RASEF: variants seen among roughly 807,000 people sequenced by gnomAD.
The protein encoded by RASEF is RAS and EF-hand domain containing.
In RASEF, 68 loss-of-function variants were observed where a neutral mutation model predicts 90.1. That is an observed-to-expected ratio of 0.75 (90% CI 0.62 to 0.92). The LOEUF (loss-of-function observed/expected upper bound fraction) is 0.92, where lower values mean the gene tolerates loss of function less well. RASEF is among the 40% of genes least tolerant of loss of function. RASEF has a pLI of 0.00. For synonymous variants in RASEF, 331 were observed against 345.2 expected (o/e 0.96, Z 0.46); for missense variants, 949 against 937.2 (o/e 1.01, Z -0.16).
chr9:83,105,108 T>C, the RASEF span, among the ~76,000 whole-genome samples: 1 of 152,194 alleles, frequency 6.6e-6, no homozygotes, highest in South Asian at 2.1e-4. Context: ...TAGGAGTTGC[T>C]ATGTAGCCTA....
Position 83,017,670 on chromosome 9 carries a change from A to T in RASEF, c.670-1770T>A, listed in dbSNP as rs143587753. On this transcript the variant is annotated intron_variant, in intron 3 of 16. Transcript: ENST00000376447. ...ATCAACTCTTCACAAACTTCCAGTA[A>T]ACTGGAATGGAGGGAATACGTCCCA... 4.5e-4 allele frequency among the ~76,000 whole-genome samples: 69 copies of T among 152,350 alleles called. 1 individual carries two copies. Among genetic ancestry groups the T allele is most frequent in the Non-Finnish European group, 8.5e-4 (58 of 68,028 alleles).
rs890045741 is a variant in RASEF, at chr9:83,007,471, G to A, written c.994C>T (p.Arg332Ter). The A allele has an allele frequency of 2.5e-6, 4 of 1,612,728 alleles. No homozygotes were observed. The highest frequency in any genetic ancestry group is 1.3e-5 in the African/African-American group (1 of 74,846). ...LEIIRAYTEDRNSLERQIEIL... is the reference protein window; with the variant it reads ...LEIIRAYTED ...TCAATTTGCCTCTCAAGACTATTTC[G>A]ATCTTCTGTGTATGCTCGGATTATT... The change falls in exon 7 of 17, where the codon CGA becomes TGA. Residue 332 changes from arginine to a stop codon, truncating the protein, a stop_gained. Transcript: ENST00000376447. LOFTEE classifies it high-confidence loss of function.
At chr9:83,172,111 C>T in the RASEF span, among the ~76,000 whole-genome samples, 1 of 151,554 alleles carries the variant, frequency 6.6e-6, no homozygotes, top group African/African-American at 2.4e-5. Context: ...GTTGTGTTTC[C>T]ATTTTCACTT....
rs756588595 is a variant in RASEF, at chr9:82,990,458, C to A, written c.2050G>T (p.Ala684Ser). 5.0e-6 allele frequency: 8 copies of A among 1,610,640 alleles called. No individual in the cohort carries two copies. The highest frequency in any genetic ancestry group is 6.8e-6 in the Non-Finnish European group (8 of 1,177,202). The change falls in exon 16 of 17, where the codon GCA becomes TCA. Residue 684 changes from alanine (A) to serine (S), a missense_variant. By Grantham distance (99) the Ala-to-Ser change is moderately conservative. Transcript: ENST00000376447. The part of the protein sequence containing the change: ...FGEKLAMTYG[A>S]LFCETSAKDG... ...TTGGCACTTGTTTCACAGAATAATGCCCCATACGTCTGTAAAAAAGAAATA... is the reference window on the plus strand; with the variant it reads ...TTGGCACTTGTTTCACAGAATAATGACCCATACGTCTGTAAAAAAGAAATA...
At chr9:83,068,112 T>G (rs1299095191), upstream of RASEF, among the ~76,000 whole-genome samples, 2 of 152,210 alleles carry the variant, frequency 1.3e-5, no homozygotes, top group African/African-American at 2.4e-5. Context: ...TGGCTGGAGA[T>G]CCGCCTGACT....
chr9:83,149,953 G>A, the RASEF span, among the ~76,000 whole-genome samples: 1 of 152,026 alleles, frequency 6.6e-6, no homozygotes, highest in Non-Finnish European at 1.5e-5. Flanking sequence ...TAGGTTTAAG[G>A]GCTATCCCAC....
rs1743545395 is a variant in RASEF, at chr9:83,000,796, T to C, written c.1437+100A>G. 4.6e-6 allele frequency: 5 copies of C among 1,092,924 alleles called. No homozygotes were observed. The South Asian group carries it at 7.5e-5, about 16-fold the overall frequency. 67.7% of individuals were successfully genotyped at this position (1,092,924 alleles called of 1,614,324 possible). The stretch of plus-strand genomic sequence containing the variant: ...TTTTACTAACTATGCTTTACATCTA[T>C]GACCTTTAAAACAGATTTCCATGAC... On this transcript the variant is annotated intron_variant, in intron 10 of 16. Coordinates refer to ENST00000376447, the MANE Select transcript of RASEF (RefSeq NM_152573.4).
At chr9:83,069,031 G>C in the RASEF span, among the ~76,000 whole-genome samples, 4 of 152,066 alleles carry the variant, frequency 2.6e-5, no homozygotes, top group Non-Finnish European at 5.9e-5. Context: ...AACCTTTAAA[G>C]CAAATATTAC....
intron 1 of RASEF, among the ~76,000 whole-genome samples, chr9:83,035,933 A>C (rs1829733496): frequency 1.3e-5 from 2 of 152,202 alleles, no homozygotes; most frequent in African/African-American, 4.8e-5. Flanking sequence ...AGTTGCATTA[A>C]CATGTATTAC....
the RASEF span, among the ~76,000 whole-genome samples, chr9:83,122,294 A>C: frequency 1.3e-5 from 2 of 152,210 alleles, no homozygotes; most frequent in Non-Finnish European, 2.9e-5. Context: ...GTTAAAACCA[A>C]GCGAGCATTC....
chr9:83,098,094 T>C, the RASEF span, among the ~76,000 whole-genome samples: 1 of 152,294 alleles, frequency 6.6e-6, no homozygotes, highest in South Asian at 2.1e-4. Flanking sequence ...CCACACTGAA[T>C]GAACTTTCAG....
At chr9:83,180,560 G>A in the RASEF span, among the ~76,000 whole-genome samples, 1 of 151,322 alleles carries the variant, frequency 6.6e-6, no homozygotes, top group Admixed American at 6.6e-5. Context: ...ATGAATCACA[G>A]AAAAATTTCT....
the RASEF span, among the ~76,000 whole-genome samples, chr9:83,215,098 T>C: frequency 6.6e-6 from 1 of 151,316 alleles, no homozygotes; most frequent in African/African-American, 2.4e-5. Context: ...CAAGAAGAGT[T>C]GGACTGGGGG....
At chr9:82,998,105 ACT>A (rs1828954495) in intron 13 of RASEF, among the ~76,000 whole-genome samples, 1 of 152,014 alleles carries the variant, frequency 6.6e-6, no homozygotes, top group Admixed American at 6.6e-5. Context: ...AGCAAAGGGC[ACT>A]CTCTGTCTCA....
chr9:83,150,448 G>C, the RASEF span, among the ~76,000 whole-genome samples: 1 of 152,080 alleles, frequency 6.6e-6, no homozygotes, highest in Non-Finnish European at 1.5e-5. Context: ...CTATCACTCA[G>C]GGAATTCCAA....
At chr9:83,186,015 G>A in the RASEF span, among the ~76,000 whole-genome samples, 1 of 152,182 alleles carries the variant, frequency 6.6e-6, no homozygotes. Flanking sequence ...TCCCTGCGTC[G>A]TTTTCCCTTT....
intron 5 of RASEF, among the ~76,000 whole-genome samples, chr9:83,010,838 CAT>C (rs1829227258): frequency 6.6e-6 from 1 of 152,066 alleles, no homozygotes; most frequent in South Asian, 2.1e-4. Context: ...TTCAGGTGAG[CAT>C]ATCTGTTCAC....
chr9:83,033,005 T>C (rs1829673777), intron 1 of RASEF, among the ~76,000 whole-genome samples: 2 of 152,186 alleles, frequency 1.3e-5, no homozygotes, highest in East Asian at 1.9e-4. Flanking sequence ...AGTGATCCAG[T>C]AGGGTGCTTA....
the RASEF span, among the ~76,000 whole-genome samples, chr9:83,207,175 C>T: frequency 7.2e-6 from 1 of 139,662 alleles, no homozygotes; most frequent in Non-Finnish European, 1.5e-5. Context: ...CTATCACGGA[C>T]ATTCTGCTCC....
Sources: allele counts gnomAD v4.1 joint callset (sites outside exome capture counted in the v4.1 genomes callset), GRCh38; gene constraint gnomAD v4.1.1; transcripts MANE v1.5; gene names NCBI Gene and HGNC (gene_info 2026-07-23, HGNC 2026-07-21).